The following LYZL4 variants were observed in gnomAD, a reference collection of about 807,000 sequenced individuals.
LYZL4 encodes lysozyme like 4, also known as lysozyme-like protein 4.
In LYZL4, 13 loss-of-function variants were observed where a neutral mutation model predicts 17.6. The ratio of observed to expected loss-of-function variants is 0.74; its 90% CI spans 0.48 to 1.18. The LOEUF is 1.18. LYZL4 is among the 50% of genes most tolerant of loss of function. The pLI is 0.00. For missense variants in LYZL4, 174 were observed against 188.2 expected (o/e 0.92, Z 0.44); for synonymous variants, 64 against 67.7 (o/e 0.95, Z 0.27).
At chr3:42,389,189 A>G in the LYZL4 span, among the ~76,000 whole-genome samples, 1 of 152,080 alleles carries the variant, frequency 6.6e-6, no homozygotes, top group African/African-American at 2.4e-5. Flanking sequence ...TTCACCACAG[A>G]TATATATTCA....
chr3:42,405,739 G>C (rs1017318196), intron 3 of LYZL4, among the ~76,000 whole-genome samples: 4 of 152,088 alleles, frequency 2.6e-5, no homozygotes, highest in Non-Finnish European at 5.9e-5. Context: ...CCCCAACTCA[G>C]GAGCCGCACT....
downstream of LYZL4, among the ~76,000 whole-genome samples, chr3:42,395,876 C>A (rs1428007317): frequency 1.3e-5 from 2 of 152,088 alleles, no homozygotes; most frequent in Non-Finnish European, 1.5e-5. Context: ...TCCTGGCCAA[C>A]ATGGTGAAAC....
the LYZL4 span, among the ~76,000 whole-genome samples, chr3:42,367,709 T>G: frequency 6.6e-6 from 1 of 152,228 alleles, no homozygotes; most frequent in South Asian, 2.1e-4. Flanking sequence ...TGAGGGGCTT[T>G]CTTGAATGAT....
chr3:42,375,779 A>G, the LYZL4 span, among the ~76,000 whole-genome samples: 1 of 152,012 alleles, frequency 6.6e-6, no homozygotes, highest in Non-Finnish European at 1.5e-5. Context: ...TAGCCCTTTG[A>G]CTCCCCCTCT....
chr3:42,409,651 T>C (rs1698828447), intron 1 of LYZL4, among the ~76,000 whole-genome samples: 2 of 152,204 alleles, frequency 1.3e-5, no homozygotes, highest in Non-Finnish European at 2.9e-5. Flanking sequence ...CACCATCACC[T>C]CTAAGGTGGA....
the LYZL4 span, among the ~76,000 whole-genome samples, chr3:42,386,096 A>G: frequency 4.0e-5 from 6 of 151,374 alleles, no homozygotes; most frequent in South Asian, 1.1e-3. Flanking sequence ...TCACTCCTGC[A>G]TCCTTTTTTT....
rs61260579 is a variant in LYZL4 at position 42,402,136 on chromosome 3, TAAAAA to T, written c.371+1905_371+1909del. On this transcript the variant is annotated intron_variant, in intron 4 of 4. Coordinates refer to ENST00000287748, the MANE Select transcript of LYZL4 (RefSeq NM_144634.4). ...TTTATCAAGACACTCTTGAGAAGGT[TAAAAA>T]AAAAAAAAAAAAAAAAGAGCCAGGC... is the stretch of plus-strand genomic sequence containing the variant. Among the ~76,000 whole-genome samples the T allele has an allele frequency of 4.8e-5, 6 of 124,062 alleles. No individual in the cohort carries two copies. The East Asian group carries it at 1.2e-3, about 24-fold the overall frequency. 81.4% of individuals were successfully genotyped at this position (124,062 alleles called of 152,430 possible).
the LYZL4 span, among the ~76,000 whole-genome samples, chr3:42,368,036 G>T: frequency 3.9e-5 from 6 of 152,206 alleles, no homozygotes; most frequent in African/African-American, 1.4e-4. Flanking sequence ...GGGAAACGGA[G>T]TCATGGGAAA....
chr3:42,363,547 A>G, the LYZL4 span, among the ~76,000 whole-genome samples: 1 of 152,204 alleles, frequency 6.6e-6, no homozygotes, highest in South Asian at 2.1e-4. Context: ...TATTCTTTCA[A>G]CTTTGCTGTG....
the LYZL4 span, among the ~76,000 whole-genome samples, chr3:42,378,146 G>T: frequency 2.0e-5 from 3 of 152,156 alleles, no homozygotes; most frequent in African/African-American, 4.8e-5. Flanking sequence ...TGGTGGCAAA[G>T]TCCCCAGTGT....
At chr3:42,406,809 T>A in intron 3 of LYZL4, 37 bp downstream of exon 3, 1 of 1,610,650 alleles carries the variant, frequency 6.2e-7, no homozygotes. Flanking sequence ...CACCATAGCC[T>A]CCAGTGCCCC....
the LYZL4 span, among the ~76,000 whole-genome samples, chr3:42,379,954 G>A: frequency 6.6e-6 from 1 of 152,164 alleles, no homozygotes; most frequent in Non-Finnish European, 1.5e-5. Context: ...CCTGCCATAT[G>A]AGCAGTGACC....
chr3:42,408,590 G>T (rs999473884), intron 1 of LYZL4, among the ~76,000 whole-genome samples: 1 of 152,002 alleles, frequency 6.6e-6, no homozygotes, highest in African/African-American at 2.4e-5. Context: ...GTCCTGTTTT[G>T]TGCTCTGTCC....
chr3:42,367,508 A>G, the LYZL4 span, among the ~76,000 whole-genome samples: 40,892 of 152,098 alleles, frequency 0.27, 6,111 homozygotes, highest in Non-Finnish European at 0.34. Flanking sequence ...ACTGGGCTGG[A>G]GGACTGAGTT....
At chr3:42,398,927 A>G (rs1283177060) in intron 4 of LYZL4, among the ~76,000 whole-genome samples, 1 of 152,238 alleles carries the variant, frequency 6.6e-6, no homozygotes, top group Non-Finnish European at 1.5e-5. Context: ...CTGAAAAAAT[A>G]GTTTATGCAA....
At chr3:42,396,304 T>C (rs1028979976), downstream of LYZL4, among the ~76,000 whole-genome samples, 1 of 152,286 alleles carries the variant, frequency 6.6e-6, no homozygotes, top group African/African-American at 2.4e-5. Context: ...GTGGGTCCCA[T>C]AGGTGACCTG....
At chr3:42,380,810 G>C in the LYZL4 span, among the ~76,000 whole-genome samples, 1 of 152,180 alleles carries the variant, frequency 6.6e-6, no homozygotes. Context: ...GGGGAAGTGT[G>C]CTTCCTTGCT....
intron 4 of LYZL4, among the ~76,000 whole-genome samples, chr3:42,402,315 C>CTTTTTTTTTTTTTTT (rs201251667): frequency 1.5e-5 from 2 of 136,982 alleles, no homozygotes; most frequent in Non-Finnish European, 1.6e-5. Context: ...CTTTTCTTTT[C>CTTTTTTTTTTTTTTT]TTTCTTTTTT....
intron 1 of LYZL4, among the ~76,000 whole-genome samples, chr3:42,410,163 A>G (rs1234844355): frequency 6.6e-6 from 1 of 152,160 alleles, no homozygotes; most frequent in East Asian, 1.9e-4. Context: ...TCTCTCTCCC[A>G]TACCTGAGTG....
Sources: allele counts gnomAD v4.1 joint callset (sites outside exome capture counted in the v4.1 genomes callset), GRCh38; gene constraint gnomAD v4.1.1; transcripts MANE v1.5; gene names NCBI Gene and HGNC (gene_info 2026-07-23, HGNC 2026-07-21).